Variants in PCBD2 observed in about 807,000 individuals in gnomAD.
PCBD2 encodes the protein pterin-4 alpha-carbinolamine dehydratase 2.
A neutral mutation model predicts 16.4 loss-of-function variants in PCBD2; 12 were observed. The observed-to-expected ratio is 0.73, with a 90% CI of 0.47 to 1.19. The LOEUF (loss-of-function observed/expected upper bound fraction) is 1.19. PCBD2 is among the 50% of genes most tolerant of loss of function. The probability of loss-of-function intolerance (pLI) is 0.00; values close to 1 mark genes in which losing one functional copy is unlikely to be tolerated. For synonymous variants in PCBD2, 58 were observed against 61.8 expected (o/e 0.94, Z 0.29); for missense variants, 138 against 156.8 (o/e 0.88, Z 0.64).
intron 2 of PCBD2, among the ~76,000 whole-genome samples, chr5:134,931,593 A>C (rs925379225): frequency 2.0e-5 from 3 of 152,224 alleles, no homozygotes; most frequent in Non-Finnish European, 4.4e-5. Context: ...AGCTTGCTCA[A>C]ACTTCCAGAG....
In PCBD2 at chr5:134,935,044, G is replaced by A. The variant is rs1651172278; in HGVS notation, c.217-23996G>A. ...CATTAAGTTGATTTGTTCAATGGAG[G>A]TCAGAGTAAAGCAACTTGGCTACAT... is the stretch of plus-strand genomic sequence containing the variant. On this transcript the variant is annotated intron_variant, in intron 2 of 3. Transcript: ENST00000254908. Among the ~76,000 whole-genome samples, 3 of 152,180 alleles carry A rather than the reference G, an allele frequency of 2.0e-5. No individual in the cohort carries two copies. The South Asian group carries it at 6.2e-4, about 32-fold the overall frequency.
chr5:134,942,047 C>T (rs191403011), intron 2 of PCBD2, among the ~76,000 whole-genome samples: 95 of 143,656 alleles, frequency 6.6e-4, no homozygotes, highest in African/African-American at 2.2e-3. Flanking sequence ...AGGAGAATGG[C>T]GTGAACCCGG....
chr5:134,959,168 G>T (rs775835807), intron 3 of PCBD2, 48 bp downstream of exon 3: 2 of 1,372,408 alleles, frequency 1.5e-6, no homozygotes, highest in Non-Finnish European at 2.1e-6. Flanking sequence ...TGGAGTTTAA[G>T]AAACTTCTTT....
Position 134,919,832 on chromosome 5 carries a change from C to T in PCBD2, c.216+9366C>T, listed in dbSNP as rs140253839. On this transcript the variant is annotated intron_variant, in intron 2 of 3. Transcript: ENST00000254908. ...TCGTTAGTATGCCTGCCCACCGCTT[C>T]AGTACTGCCATTATCAATAGCTTTC... is the stretch of plus-strand genomic sequence containing the variant. Among the ~76,000 whole-genome samples, 980 of 152,348 alleles carry T rather than the reference C, an allele frequency of 6.4e-3. 2 individuals are homozygous for T. The highest frequency in any genetic ancestry group is 9.7e-3 in the Non-Finnish European group (660 of 68,036).
chr5:134,962,227 G>A lies in PCBD2; in HGVS notation c.*1546G>A, dbSNP rs1184576957. Among the ~76,000 whole-genome samples, 1 of 151,966 alleles carries A rather than the reference G, an allele frequency of 6.6e-6. No homozygotes were observed. The highest frequency in any genetic ancestry group is 2.4e-5 in the African/African-American group (1 of 41,342). ...TCACCTCAGCCTCCTGAGTAGCAGC[G>A]GTTACAGGCATGCATCACCACACCT... On this transcript the variant is annotated 3_prime_UTR_variant, in exon 4 of 4. Transcript: ENST00000254908.
intron 2 of PCBD2, among the ~76,000 whole-genome samples, chr5:134,920,246 A>G (rs150350241): frequency 1.8e-4 from 27 of 152,340 alleles, no homozygotes; most frequent in African/African-American, 6.0e-4. Flanking sequence ...TCGCAGAAAG[A>G]CACTAAACAA....
chr5:134,918,417 A>C (rs1375077079), intron 2 of PCBD2, among the ~76,000 whole-genome samples: 1 of 152,230 alleles, frequency 6.6e-6, no homozygotes, highest in Non-Finnish European at 1.5e-5. Context: ...AGGCAGGAGA[A>C]TGGCTTGAAC....
intron 2 of PCBD2, among the ~76,000 whole-genome samples, chr5:134,950,341 A>G (rs1751345545): frequency 1.3e-5 from 2 of 152,246 alleles, no homozygotes; most frequent in East Asian, 1.9e-4. Context: ...CAGCTGATTT[A>G]AAGAATGTAT....
chr5:134,917,179 G>A (rs1225703833), intron 2 of PCBD2, among the ~76,000 whole-genome samples: 1 of 152,200 alleles, frequency 6.6e-6, no homozygotes, highest in Non-Finnish European at 1.5e-5. Context: ...CAAAATCCGA[G>A]GAGATTTTAA....
chr5:134,939,229 C>T (rs1046303220), intron 2 of PCBD2, among the ~76,000 whole-genome samples: 3 of 151,988 alleles, frequency 2.0e-5, no homozygotes, highest in Non-Finnish European at 2.9e-5. Flanking sequence ...CATTCAGTAC[C>T]GTCCTGTCTT....
chr5:134,909,973 G>A (rs1258614856), intron 1 of PCBD2, among the ~76,000 whole-genome samples: 2 of 152,222 alleles, frequency 1.3e-5, no homozygotes, highest in African/African-American at 4.8e-5. Context: ...GGGAGGCTGA[G>A]GTGGGAGGAT....
intron 2 of PCBD2, chr5:134,926,118 A>T: frequency 3.0e-6 from 1 of 332,196 alleles, no homozygotes; most frequent in Non-Finnish European, 5.4e-6. Flanking sequence ...AGAATTGATT[A>T]ATGTTTGGGT....
chr5:134,922,854 T>A (rs1371754870), intron 2 of PCBD2, among the ~76,000 whole-genome samples: 1 of 152,048 alleles, frequency 6.6e-6, no homozygotes, highest in East Asian at 1.9e-4. Context: ...TTATTTATTT[T>A]TTTAGTAGAC....
chr5:134,930,559 G>A (rs1434738848), intron 2 of PCBD2, among the ~76,000 whole-genome samples: 1 of 152,220 alleles, frequency 6.6e-6, no homozygotes, highest in Non-Finnish European at 1.5e-5. Context: ...CAGAACAGCA[G>A]CATTGATTGT....
intron 2 of PCBD2, among the ~76,000 whole-genome samples, chr5:134,922,134 G>T (rs533085257): frequency 6.6e-6 from 1 of 152,190 alleles, no homozygotes; most frequent in Non-Finnish European, 1.5e-5. Context: ...CTTGACCAAG[G>T]CCACAAAAAT....
chr5:134,912,934 A>G (rs1162829962), intron 2 of PCBD2, among the ~76,000 whole-genome samples: 3 of 152,188 alleles, frequency 2.0e-5, no homozygotes, highest in East Asian at 1.9e-4. Flanking sequence ...TTTTTATTGT[A>G]ACAACAGCAT....
chr5:134,945,328 A>C (rs1751279397), intron 2 of PCBD2, among the ~76,000 whole-genome samples: 1 of 152,198 alleles, frequency 6.6e-6, no homozygotes. Context: ...CCCTACCTGC[A>C]CAGAGAAGGT....
intron 2 of PCBD2, chr5:134,926,320 C>A: frequency 5.5e-6 from 2 of 361,964 alleles, no homozygotes; most frequent in Non-Finnish European, 9.8e-6. Context: ...GGGGAAGAGA[C>A]TAATAACAAG....
chr5:134,958,696 G>T (rs1232175624), intron 2 of PCBD2, among the ~76,000 whole-genome samples: 1 of 152,238 alleles, frequency 6.6e-6, no homozygotes, highest in East Asian at 1.9e-4. Flanking sequence ...TTTGGAGCCA[G>T]GTAGTGAGAC....
Sources: allele counts gnomAD v4.1 joint callset (sites outside exome capture counted in the v4.1 genomes callset), GRCh38; gene constraint gnomAD v4.1.1; transcripts MANE v1.5; gene names NCBI Gene and HGNC (gene_info 2026-07-23, HGNC 2026-07-21).